Variants in DYRK1B observed in about 807,000 individuals in gnomAD.
DYRK1B encodes dual specificity tyrosine phosphorylation regulated kinase 1B, also known as dual specificity tyrosine-phosphorylation-regulated kinase 1B.
In DYRK1B, 20 loss-of-function variants were observed where a neutral mutation model predicts 57.1. The ratio of observed to expected loss-of-function variants is 0.35; its 90% CI spans 0.25 to 0.51. The LOEUF (loss-of-function observed/expected upper bound fraction) is 0.51, where lower values mean the gene tolerates loss of function less well. DYRK1B is among the 20% of genes least tolerant of loss of function. DYRK1B has a pLI of 0.96. For synonymous variants in DYRK1B, 409 were observed against 384.7 expected (o/e 1.06, Z -0.74); for missense variants, 732 against 886.3 (o/e 0.83, Z 2.21).
At position 39,825,455 on chromosome 19, in the gene DYRK1B, T is replaced by C; in HGVS notation, c.*260A>G. 1 of 490,688 alleles carries C rather than the reference T, an allele frequency of 2.0e-6. No individual in the cohort carries two copies. Among genetic ancestry groups the C allele is most frequent in the Non-Finnish European group, 3.6e-6 (1 of 275,662 alleles). The allele number at this position is 490,688 out of a possible 1,614,324, so 30.4% of individuals were successfully genotyped here. On this transcript the variant is annotated 3_prime_UTR_variant, in exon 11 of 11. Transcript: ENST00000323039. ...TCCTGGGGTGAGGGGGGGTCTTCCC[T>C]CCACCGGACCACCACTGTCTTTGGT... is the stretch of plus-strand genomic sequence containing the variant.
chr19:39,826,601 G>A lies in DYRK1B; in HGVS notation c.1411+71C>T. ...GCTTTGTGTGAAGACCCAGTAACCA[G>A]GTCCCCCAGGACAGGCCAAACCTGA... On this transcript the variant is annotated intron_variant, in intron 9 of 10. Transcript: ENST00000323039. This position sits in a 1 kb window ranked among gnomAD's most constrained non-coding sequence, Gnocchi z 6.3. 2 of 1,435,608 alleles carry A rather than the reference G, an allele frequency of 1.4e-6. No individual in the cohort carries two copies. Among genetic ancestry groups the A allele is most frequent in the Non-Finnish European group, 1.8e-6 (2 of 1,086,946 alleles). 88.9% of individuals were successfully genotyped at this position (1,435,608 alleles called of 1,614,324 possible).
chr19:39,826,180 C>T lies in DYRK1B; in HGVS notation c.1518G>A (p.Gln506=), dbSNP rs1356242723. Residue 506 remains glutamine (Q), a splice_region_variant and synonymous_variant, in exon 10 of 11, where the codon CAG becomes CAA. Coordinates refer to ENST00000323039, the MANE Select transcript of DYRK1B (RefSeq NM_004714.3). This position sits in a 1 kb window ranked among gnomAD's most constrained non-coding sequence, Gnocchi z 6.3. ...TCCAAAGCCCCCAAAGCCCCATTAC[C>T]TGGGGGCTGTTCATCTCACAGTCTG... is the stretch of plus-strand genomic sequence containing the variant. ...PITDCEMNSP[Q]VPPSQPLRPW... 6.3e-7 allele frequency: 1 copy of T among 1,587,026 alleles called. No homozygotes were observed. Among genetic ancestry groups the T allele is most frequent in the Admixed American group, 1.8e-5 (1 of 55,018 alleles).
chr19:39,827,149 G>C, intron 8 of DYRK1B, 136 bp downstream of exon 8: 1 of 1,254,414 alleles, frequency 8.0e-7, no homozygotes, highest in Non-Finnish European at 1.1e-6. Context: ...GGGGTGGGCA[G>C]GGGAGGAAGG....
chr19:39,833,260 C>T, intron 1 of DYRK1B: 1 of 985,572 alleles, frequency 1.0e-6, no homozygotes, highest in East Asian at 1.1e-4. Flanking sequence ...CAGCCCCCAC[C>T]CCCTACCCGG....
chr19:39,827,003 TGGGAG>T lies in DYRK1B; in HGVS notation c.1096-21_1096-17del. 8.0e-6 allele frequency: 1 copy of T among 124,922 alleles called. No individual in the cohort carries two copies. The highest frequency in any genetic ancestry group is 1.3e-5 in the Non-Finnish European group (1 of 77,664). 7.7% of individuals were successfully genotyped at this position (124,922 alleles called of 1,614,324 possible). A position where few individuals can be genotyped will look rare whatever the true frequency, so the allele number is the denominator to read the frequency against. ...CCTGGTAATCCTGGCAGGGAGGGGG[TGGGAG>T]GGGGGGCAAGAGAGTGGCCGTCAGT... On this transcript the variant is annotated splice_polypyrimidine_tract_variant and intron_variant, in intron 8 of 10. Transcript: ENST00000323039.
Position 39,828,793 on chromosome 19 carries a change from C to T in DYRK1B, c.521-210G>A, listed in dbSNP as rs1968666201. Among the ~76,000 whole-genome samples, 1 of 152,204 alleles carries T rather than the reference C, an allele frequency of 6.6e-6. No homozygotes were observed. The highest frequency in any genetic ancestry group is 6.5e-5 in the Admixed American group (1 of 15,274). ...GTCTCTGTCAAACCCTCCAATTAAACCAAAGAGAAAGTTTCATTAGTTACT... is the reference window on the plus strand; with the variant it reads ...GTCTCTGTCAAACCCTCCAATTAAATCAAAGAGAAAGTTTCATTAGTTACT... On this transcript the variant is annotated intron_variant, in intron 5 of 10. Transcript: ENST00000323039. This position sits in a 1 kb window ranked among gnomAD's most constrained non-coding sequence, Gnocchi z 4.3.
chr19:39,826,978 C>T lies in DYRK1B; in HGVS notation c.1105G>A (p.Gly369Ser). The T allele has an allele frequency of 2.5e-6, 3 of 1,186,528 alleles. No homozygotes were observed. Among genetic ancestry groups the T allele is most frequent in the Non-Finnish European group, 2.1e-6 (2 of 938,918 alleles). The allele number at this position is 1,186,528 out of a possible 1,614,324, so 73.5% of individuals were successfully genotyped here. ...RTKELRKDYQ[G>S]PGTRRLQEVL... The stretch of plus-strand genomic sequence containing the variant: ...TCCTGCAGCCGCCGTGTCCCGGGGC[C>T]CTGGTAATCCTGGCAGGGAGGGGGT... The change falls in exon 9 of 11, where the codon GGC becomes AGC. Residue 369 changes from glycine to serine, a missense_variant. Around this residue, in one of 2 missense-constraint regions of DYRK1B, gnomAD observed 510 missense variants for 681.3 expected, o/e 0.75. Coordinates refer to ENST00000323039, the MANE Select transcript of DYRK1B (RefSeq NM_004714.3). This position sits in a 1 kb window ranked among gnomAD's most constrained non-coding sequence, Gnocchi z 6.3.
In DYRK1B at chr19:39,830,402, C is replaced by T. The variant is rs747810492; in HGVS notation, c.345G>A (p.Ser115=). The T allele has an allele frequency of 9.3e-6, 15 of 1,613,984 alleles. No individual in the cohort carries two copies. The highest frequency in any genetic ancestry group is 1.3e-5 in the African/African-American group (1 of 74,924). Reference sequence around the variant, plus strand: ...GGCCAAAGGAGCCTTTGCCAATGAGCGAGTCAATTTCGTAGCGCTCCAGCC... The same window carrying T: ...GGCCAAAGGAGCCTTTGCCAATGAGTGAGTCAATTTCGTAGCGCTCCAGCC... The part of the protein sequence containing the change: ...ERWLERYEID[S]LIGKGSFGQV... Residue 115 remains serine, a synonymous_variant, in exon 4 of 11, where the codon TCG becomes TCA. Transcript: ENST00000323039.
Position 39,831,918 on chromosome 19 carries a change from CG to C in DYRK1B, c.-52del. 2.1e-6 allele frequency: 3 copies of C among 1,438,096 alleles called. No homozygotes were observed. The highest frequency in any genetic ancestry group is 9.1e-7 in the Non-Finnish European group (1 of 1,093,988). 89.1% of individuals were successfully genotyped at this position (1,438,096 alleles called of 1,614,324 possible). A position where few individuals can be genotyped will look rare whatever the true frequency, so the allele number is the denominator to read the frequency against. ...GCGAGGCCTGGAGCGGGAGCCCGGC[CG>C]GGGGGCGCCTTCTTGCATCCTGCAC... On this transcript the variant is annotated 5_prime_UTR_variant, in exon 2 of 11. An upstream open reading frame in the 5' UTR loses its in-frame stop. Transcript: ENST00000323039.
At chr19:39,832,013 T>C (rs1968840775) in intron 1 of DYRK1B, 45 bp from the exon 2 acceptor site, 2 of 1,401,416 alleles carry the variant, frequency 1.4e-6, no homozygotes, top group Admixed American at 3.2e-5. Context: ...AACAAGGGGA[T>C]ATGTGAATAG....
chr19:39,832,999 A>G lies in DYRK1B; in HGVS notation c.-102+1024T>C, dbSNP rs1274158900. On this transcript the variant is annotated intron_variant, in intron 1 of 10. Transcript: ENST00000323039. ...TTCTCCAGGCACCCCTCTTTATACC[A>G]GGGTCATTCCACAACTGTGTCCACT... 6 of 984,990 alleles carry G rather than the reference A, an allele frequency of 6.1e-6. No individual in the cohort carries two copies. In the East Asian group the frequency reaches 5.7e-4, roughly 93 times the overall value. The allele number at this position is 984,990 out of a possible 1,614,324, so 61.0% of individuals were successfully genotyped here.
At position 39,830,772 on chromosome 19, in the gene DYRK1B, A is replaced by G. The variant is rs749594362; in HGVS notation, c.75T>C (p.Asp25=). 4 of 1,613,224 alleles carry G rather than the reference A, an allele frequency of 2.5e-6. No homozygotes were observed. The South Asian group carries it at 4.4e-5, about 18-fold the overall frequency. ...GPQEHTQVLP[D]VRLLPRRLPL... is the part of the protein sequence containing the mutation. ...GCAGCCTCCGAGGCAGTAGCCGCACATCAGGCAATACCTGCAGGGCAGGGT... is the reference window on the plus strand; with the variant it reads ...GCAGCCTCCGAGGCAGTAGCCGCACGTCAGGCAATACCTGCAGGGCAGGGT... The change falls in exon 3 of 11, where the codon GAT becomes GAC. Residue 25 remains aspartate (D), a synonymous_variant. Transcript: ENST00000323039.
intron 2 of DYRK1B, among the ~76,000 whole-genome samples, chr19:39,831,580 A>G (rs1398140758): frequency 1.3e-5 from 2 of 152,228 alleles, no homozygotes; most frequent in Non-Finnish European, 2.9e-5. Context: ...CTCCAACTCA[A>G]GTATGGAGAA....
In DYRK1B at chr19:39,830,796, G is replaced by A; in HGVS notation, c.64-13C>T. The A allele has an allele frequency of 1.2e-6, 2 of 1,607,300 alleles. No individual in the cohort carries two copies. Among genetic ancestry groups the A allele is most frequent in the Non-Finnish European group, 1.7e-6 (2 of 1,176,516 alleles). On this transcript the variant is annotated splice_polypyrimidine_tract_variant and intron_variant, in intron 2 of 10. Transcript: ENST00000323039. ...CATCAGGCAATACCTGCAGGGCAGG[G>A]TGAGGGGTGGGCACTGAGGACGTGC...
chr19:39,833,121 C>G (rs938628207), intron 1 of DYRK1B: 1 of 985,588 alleles, frequency 1.0e-6, no homozygotes, highest in African/African-American at 1.7e-5. Flanking sequence ...CCATGGGCCA[C>G]TCTCTCCCCC....
intron 3 of DYRK1B, 35 bp downstream of exon 3, chr19:39,830,629 G>A (rs753510519): frequency 2.5e-5 from 41 of 1,612,762 alleles, no homozygotes; most frequent in African/African-American, 1.9e-4. Flanking sequence ...CAAGACCCTC[G>A]GCACCCAGCC....
At position 39,827,661 on chromosome 19, in the gene DYRK1B, G is replaced by C; in HGVS notation, c.808-5C>G. The C allele has an allele frequency of 6.2e-7, 1 of 1,612,492 alleles. No homozygotes were observed. The highest frequency in any genetic ancestry group is 8.5e-7 in the Non-Finnish European group (1 of 1,178,832). ...GCTCTGGATATACTGGTAGATCTGGGAAAAGGGTAATCGTCAAGGGACCCA... is the reference window on the plus strand; with the variant it reads ...GCTCTGGATATACTGGTAGATCTGGCAAAAGGGTAATCGTCAAGGGACCCA... On this transcript the variant is annotated splice_region_variant and splice_polypyrimidine_tract_variant and intron_variant, in intron 6 of 10. Coordinates refer to ENST00000323039, the MANE Select transcript of DYRK1B (RefSeq NM_004714.3).
At position 39,826,905 on chromosome 19, in the gene DYRK1B, TC is replaced by T. The variant is rs1270847383; in HGVS notation, c.1177del (p.Glu393SerfsTer110). 1 of 1,316,246 alleles carries T rather than the reference TC, an allele frequency of 7.6e-7. No individual in the cohort carries two copies. Among genetic ancestry groups the T allele is most frequent in the Non-Finnish European group, 9.6e-7 (1 of 1,039,784 alleles). The allele number at this position is 1,316,246 out of a possible 1,614,324, so 81.5% of individuals were successfully genotyped here. On this transcript the variant is annotated frameshift_variant, in exon 9 of 11. Transcript: ENST00000323039. LOFTEE classifies it high-confidence loss of function. This position sits in a 1 kb window ranked among gnomAD's most constrained non-coding sequence, Gnocchi z 6.3. ...TGGPGGRRAG[E>X]PGHSPADYLR... ...GTAGTCGGCGGGGCTGTGGCCCGGC[TC>T]CCCCGCCCGCCGGCCCCCGGGCCCG...
chr19:39,833,464 C>G, intron 1 of DYRK1B: 6 of 500,290 alleles, frequency 1.2e-5, no homozygotes, highest in Non-Finnish European at 1.6e-5. Flanking sequence ...CCACTGCCAC[C>G]GGGGGCGGGG....
Sources: gnomAD v4.1 joint callset for allele counts (sites outside exome capture counted in the v4.1 genomes callset) on GRCh38, gnomAD v4.1.1 for gene constraint, gnomAD v4.1.1 regional missense constraint, Gnocchi (gnomAD v3.1) non-coding constraint, MANE v1.5 for transcripts, NCBI Gene and HGNC (gene_info 2026-07-23, HGNC 2026-07-21) for gene names.